ACADSB: variants seen among roughly 807,000 people sequenced by gnomAD.
ACADSB encodes the protein short/branched chain specific acyl-CoA dehydrogenase, mitochondrial.
In ACADSB, 40 loss-of-function variants were observed where a neutral mutation model predicts 54.1. The ratio of observed to expected loss-of-function variants is 0.74; its 90% CI spans 0.57 to 0.96. The LOEUF (loss-of-function observed/expected upper bound fraction) is 0.96, where lower values mean the gene tolerates loss of function less well. Ranked by LOEUF, ACADSB falls within the 40% of genes least tolerant of loss-of-function variation. The probability of loss-of-function intolerance (pLI) is 0.00; values close to 1 mark genes in which losing one functional copy is unlikely to be tolerated. For missense variants in ACADSB, 530 were observed against 510.4 expected (o/e 1.04, Z -0.37); for synonymous variants, 182 against 182.8 (o/e 1.00, Z 0.03).
intron 1 of ACADSB, among the ~76,000 whole-genome samples, chr10:123,019,287 T>C (rs1329379024): frequency 2.0e-5 from 3 of 152,240 alleles, no homozygotes; most frequent in East Asian, 1.9e-4. Flanking sequence ...GAAATTGACA[T>C]TGATACTGTC....
intron 8 of ACADSB, among the ~76,000 whole-genome samples, chr10:123,049,277 A>G (rs1252634664): frequency 6.6e-6 from 1 of 152,226 alleles, no homozygotes. Context: ...CCTTGAGGGT[A>G]GAGACCAGCC....
At chr10:123,045,888 C>A (rs1349335868) in intron 7 of ACADSB, among the ~76,000 whole-genome samples, 1 of 152,176 alleles carries the variant, frequency 6.6e-6, no homozygotes, top group Non-Finnish European at 1.5e-5. Flanking sequence ...TAGTTACTAT[C>A]TCAGTGGATA....
Position 123,054,278 on chromosome 10 carries a change from C to T in ACADSB, c.*513C>T. On this transcript the variant is annotated 3_prime_UTR_variant, in exon 11 of 11. Coordinates refer to ENST00000358776, the MANE Select transcript of ACADSB (RefSeq NM_001609.4). ...TCTGGATATCGCCCACCTTGGCCTCCCAAAGTGCTGGGATTACAGGGATGA... is the reference window on the plus strand; with the variant it reads ...TCTGGATATCGCCCACCTTGGCCTCTCAAAGTGCTGGGATTACAGGGATGA... 1 of 158,926 alleles carries T rather than the reference C, an allele frequency of 6.3e-6. No homozygotes were observed. The highest frequency in any genetic ancestry group is 1.8e-4 in the East Asian group (1 of 5,586). 9.8% of individuals were successfully genotyped at this position (158,926 alleles called of 1,614,324 possible). A position where few individuals can be genotyped will look rare whatever the true frequency, so the allele number is the denominator to read the frequency against.
At chr10:123,026,100 C>A (rs1316431740) in intron 1 of ACADSB, among the ~76,000 whole-genome samples, 1 of 152,016 alleles carries the variant, frequency 6.6e-6, no homozygotes, top group African/African-American at 2.4e-5. Context: ...AAGAGAATGC[C>A]TTGTGATACA....
At chr10:123,031,466 A>G (rs941896194) in intron 1 of ACADSB, among the ~76,000 whole-genome samples, 1 of 152,198 alleles carries the variant, frequency 6.6e-6, no homozygotes, top group Non-Finnish European at 1.5e-5. Context: ...ATGTGGTACA[A>G]TGGGTTATAA....
Position 123,053,079 on chromosome 10 carries a change from A to G in ACADSB, c.1147A>G (p.Ser383Gly). 6.2e-7 allele frequency: 1 copy of G among 1,614,034 alleles called. No individual in the cohort carries two copies. Among genetic ancestry groups the G allele is most frequent in the Non-Finnish European group, 8.5e-7 (1 of 1,179,936 alleles). ...YASEIAGQTT[S>G]KCIEWMGGVG... The stretch of plus-strand genomic sequence containing the variant: ...TTGGTAGATTGCAGGACAAACAACG[A>G]GTAAATGTATCGAGTGGATGGGGGG... Residue 383 changes from serine (S) to glycine (G), a missense_variant, in exon 10 of 11, where the codon AGT becomes GGT. By Grantham distance (56) the Ser-to-Gly change is moderately conservative. Transcript: ENST00000358776.
intron 5 of ACADSB, 135 bp from the exon 6 acceptor site, chr10:123,042,911 T>C: frequency 1.1e-6 from 1 of 915,932 alleles, no homozygotes; most frequent in Admixed American, 2.1e-5. Context: ...CGTTTCATAA[T>C]GCCCATGTTG....
intron 1 of ACADSB, among the ~76,000 whole-genome samples, chr10:123,023,602 T>G (rs1160405138): frequency 6.6e-6 from 1 of 152,162 alleles, no homozygotes; most frequent in African/African-American, 2.4e-5. Context: ...ATGAAGGCTG[T>G]GAACCAAAAC....
In ACADSB at chr10:123,051,191, A is replaced by T. The variant is rs1317489499; in HGVS notation, c.1128+5A>T. ...GCCAAATACTATGCATCAGAGGTAA[A>T]AAAAAAAAAAAAAAAAAAAAAGGAA... On this transcript the variant is annotated splice_donor_5th_base_variant and intron_variant, in intron 9 of 10. Coordinates refer to ENST00000358776, the MANE Select transcript of ACADSB (RefSeq NM_001609.4). 6.1e-5 allele frequency: 17 copies of T among 280,834 alleles called. No individual in the cohort carries two copies. Among genetic ancestry groups the T allele is most frequent in the Admixed American group, 9.7e-5 (1 of 10,352 alleles). 17.4% of individuals were successfully genotyped at this position (280,834 alleles called of 1,614,324 possible). A position where few individuals can be genotyped will look rare whatever the true frequency, so the allele number is the denominator to read the frequency against.
chr10:123,035,548 G>A (rs191432364), intron 2 of ACADSB, among the ~76,000 whole-genome samples: 4 of 152,154 alleles, frequency 2.6e-5, no homozygotes, highest in African/African-American at 7.2e-5. Flanking sequence ...AAACAGCACC[G>A]GTGTAGTGGC....
chr10:123,033,613 A>C (rs1421445473), intron 1 of ACADSB, among the ~76,000 whole-genome samples: 1 of 152,094 alleles, frequency 6.6e-6, no homozygotes, highest in African/African-American at 2.4e-5. Context: ...TGAGCTCTTT[A>C]CTATATGCTC....
chr10:123,041,413 A>G (rs1314332858), intron 5 of ACADSB, 34 bp downstream of exon 5: 1 of 1,604,948 alleles, frequency 6.2e-7, no homozygotes, highest in Non-Finnish European at 8.5e-7. Flanking sequence ...TTCTTTTTCC[A>G]AACCCCTTCT....
rs568395031 is a variant in ACADSB at position 123,030,514 on chromosome 10, G to A, written c.43-3842G>A. On this transcript the variant is annotated intron_variant, in intron 1 of 10. Coordinates refer to ENST00000358776, the MANE Select transcript of ACADSB (RefSeq NM_001609.4). ...TGCACTCCAGCCTGGGTGACAGAGC[G>A]AGACTCTGTCTCAAAAAAAAAAAAA... Among the ~76,000 whole-genome samples the A allele has an allele frequency of 2.5e-4, 34 of 138,066 alleles. No individual in the cohort carries two copies. The South Asian group carries it at 3.1e-3, about 13-fold the overall frequency. 90.6% of individuals were successfully genotyped at this position (138,066 alleles called of 152,430 possible). A position where few individuals can be genotyped will look rare whatever the true frequency, so the allele number is the denominator to read the frequency against.
At position 123,052,922 on chromosome 10, in the gene ACADSB, C is replaced by G; in HGVS notation, c.1129-139C>G. Reference sequence around the variant, plus strand: ...GGTATGGAGAATGGGACTGAAGAGACAATGCTAGTTTAGAAGATAACTTTA... The same window carrying G: ...GGTATGGAGAATGGGACTGAAGAGAGAATGCTAGTTTAGAAGATAACTTTA... On this transcript the variant is annotated intron_variant, in intron 9 of 10. Transcript: ENST00000358776. The surrounding 1 kb of genome is among the most constrained non-coding windows in gnomAD (Gnocchi z 4.2). The G allele has an allele frequency of 1.4e-6, 1 of 711,900 alleles. No individual in the cohort carries two copies. The highest frequency in any genetic ancestry group is 1.5e-5 in the South Asian group (1 of 67,262). 44.1% of individuals were successfully genotyped at this position (711,900 alleles called of 1,614,324 possible). A position where few individuals can be genotyped will look rare whatever the true frequency, so the allele number is the denominator to read the frequency against.
chr10:123,026,630 A>C (rs1233904433), intron 1 of ACADSB, among the ~76,000 whole-genome samples: 1 of 152,182 alleles, frequency 6.6e-6, no homozygotes, highest in Non-Finnish European at 1.5e-5. Context: ...GTACTTGTAC[A>C]CAGTGGACTA....
intron 1 of ACADSB, among the ~76,000 whole-genome samples, chr10:123,020,461 T>C (rs973258439): frequency 2.0e-5 from 3 of 152,228 alleles, no homozygotes; most frequent in Non-Finnish European, 2.9e-5. Context: ...ATGATAGGGA[T>C]GTACCACAGA....
intron 8 of ACADSB, among the ~76,000 whole-genome samples, chr10:123,048,563 T>G (rs1393214350): frequency 1.3e-5 from 2 of 152,116 alleles, no homozygotes; most frequent in African/African-American, 4.8e-5. Flanking sequence ...ATCTTCTTTA[T>G]GCACAGGAAA....
intron 6 of ACADSB, 89 bp from the exon 7 acceptor site, chr10:123,044,304 A>G (rs1225232999): frequency 4.3e-6 from 5 of 1,162,334 alleles, no homozygotes; most frequent in Non-Finnish European, 6.4e-6. Flanking sequence ...TAGCACACGA[A>G]TTGAGAGTCT....
At chr10:123,045,487 A>G (rs910379557) in intron 7 of ACADSB, among the ~76,000 whole-genome samples, 2 of 151,916 alleles carry the variant, frequency 1.3e-5, no homozygotes, top group Non-Finnish European at 2.9e-5. Flanking sequence ...GCGTTTGTAG[A>G]GTATATTTTT....
Sources: allele counts gnomAD v4.1 joint callset (sites outside exome capture counted in the v4.1 genomes callset), GRCh38; gene constraint gnomAD v4.1.1; non-coding constraint Gnocchi (gnomAD v3.1); transcripts MANE v1.5; gene names NCBI Gene and HGNC (gene_info 2026-07-23, HGNC 2026-07-21).